Variants in ZNF627 observed in about 807,000 individuals in gnomAD.
ZNF627 encodes zinc finger protein 627.
In ZNF627, 12 loss-of-function variants were observed where a neutral mutation model predicts 10.6. The ratio of observed to expected loss-of-function variants is 1.13; its 90% CI spans 0.73 to 1.84. The LOEUF (loss-of-function observed/expected upper bound fraction) is 1.84, where lower values mean the gene tolerates loss of function less well. Ranked by LOEUF, ZNF627 falls within the 40% of genes most tolerant of loss-of-function variation. The pLI is 0.00. For synonymous variants in ZNF627, 176 were observed against 187.1 expected, an observed-to-expected ratio of 0.94 and a Z score of 0.48; for missense variants, 504 against 568.4, an observed-to-expected ratio of 0.89 and a Z score of 1.15.
chr19:11,605,253 T>C (rs1973655215), intron 1 of ZNF627, among the ~76,000 whole-genome samples: 1 of 151,702 alleles, frequency 6.6e-6, no homozygotes, highest in Non-Finnish European at 1.5e-5. Flanking sequence ...TGACTAATTT[T>C]TTTTTGTATT....
At chr19:11,615,977 C>A (rs571286648) in intron 3 of ZNF627, among the ~76,000 whole-genome samples, 1 of 151,402 alleles carries the variant, frequency 6.6e-6, no homozygotes, top group South Asian at 2.1e-4. Context: ...CCTCAGCCTC[C>A]GAAAGTGCTG....
rs561214230 is a variant in ZNF627 at position 11,618,039 on chromosome 19, A to G, written c.*150A>G. On this transcript the variant is annotated 3_prime_UTR_variant, in exon 4 of 4. Transcript: ENST00000361113. The stretch of plus-strand genomic sequence containing the variant: ...GGCTTTAAATTACGAGAGACTTGTG[A>G]TAGGACAGTAAAACCTAGAGTTGGA... 206 of 617,090 alleles carry G rather than the reference A, an allele frequency of 3.3e-4. No homozygotes were observed. The highest frequency in any genetic ancestry group is 4.9e-4 in the Non-Finnish European group (189 of 382,178). 38.2% of individuals were successfully genotyped at this position (617,090 alleles called of 1,614,324 possible).
In ZNF627 at chr19:11,609,254, C is replaced by T. The variant is rs77468342; in HGVS notation, c.4-5273C>T. On this transcript the variant is annotated intron_variant, in intron 1 of 3. Transcript: ENST00000361113. ...TTTGTGTACAGTTTAGTAGTGTTAACTATACTCACCTTGTTGTGCAACCAA... is the reference window on the plus strand; with the variant it reads ...TTTGTGTACAGTTTAGTAGTGTTAATTATACTCACCTTGTTGTGCAACCAA... Among the ~76,000 whole-genome samples the T allele has an allele frequency of 5.9e-5, 9 of 152,086 alleles. No homozygotes were observed. In the East Asian group the frequency reaches 1.7e-3, roughly 29 times the overall value.
At chr19:11,616,223 T>C (rs1164772338) in intron 3 of ZNF627, among the ~76,000 whole-genome samples, 1 of 151,662 alleles carries the variant, frequency 6.6e-6, no homozygotes, top group Non-Finnish European at 1.5e-5. Context: ...ATTTTTTATT[T>C]TTAGTAGAGA....
chr19:11,607,513 G>A (rs1037670387), intron 1 of ZNF627, among the ~76,000 whole-genome samples: 8 of 152,022 alleles, frequency 5.3e-5, no homozygotes, highest in South Asian at 2.1e-4. Context: ...ATGCTTTGCC[G>A]CTTAGCAGTT....
intron 1 of ZNF627, among the ~76,000 whole-genome samples, chr19:11,613,601 C>A (rs1357021246): frequency 6.6e-6 from 1 of 152,132 alleles, no homozygotes; most frequent in African/African-American, 2.4e-5. Flanking sequence ...AGTGATCCTC[C>A]TGCCTCCATC....
intron 1 of ZNF627, among the ~76,000 whole-genome samples, chr19:11,601,860 G>T (rs546244420): frequency 2.0e-4 from 31 of 151,850 alleles, no homozygotes; most frequent in Admixed American, 7.2e-4. Flanking sequence ...ACAAAAATTA[G>T]CCGGGCATGG....
intron 1 of ZNF627, among the ~76,000 whole-genome samples, chr19:11,600,697 G>T (rs1462495095): frequency 1.3e-5 from 2 of 152,162 alleles, no homozygotes; most frequent in Non-Finnish European, 2.9e-5. Flanking sequence ...CCTCTGCTTT[G>T]CAGGGTGGCA....
chr19:11,615,465 G>A (rs1973850313), intron 3 of ZNF627, among the ~76,000 whole-genome samples: 1 of 148,780 alleles, frequency 6.7e-6, no homozygotes, highest in South Asian at 2.2e-4. Flanking sequence ...TTAGCTGGGT[G>A]TGGTGGTGGG....
At chr19:11,615,716 C>CTT (rs773368615) in intron 3 of ZNF627, among the ~76,000 whole-genome samples, 50,571 of 131,152 alleles carry the variant, frequency 0.39, 10,252 homozygotes, top group Non-Finnish European at 0.46. Flanking sequence ...ATACGAATAT[C>CTT]TTTTTTTTTT....
chr19:11,617,617 T>C lies in ZNF627; in HGVS notation c.1114T>C (p.Phe372Leu). The C allele has an allele frequency of 6.2e-7, 1 of 1,613,842 alleles. No homozygotes were observed. The highest frequency in any genetic ancestry group is 8.5e-7 in the Non-Finnish European group (1 of 1,179,948). ...TGATTGTAAGCAATGTGGGAAAGCC[T>C]TCAGTTGTTCCAGTTCGTTTCGAAA... ...PYDCKQCGKA[F>L]SCSSSFRKHE... The change falls in exon 4 of 4, where the codon TTC (phenylalanine) becomes CTC (leucine). Residue 372 changes from phenylalanine (F) to leucine (L), a missense_variant. Phe to Leu is a conservative substitution (Grantham distance 22). Transcript: ENST00000361113.
Position 11,597,532 on chromosome 19 carries a change from G to A in ZNF627, c.-96G>A. 1 of 1,246,446 alleles carries A rather than the reference G, an allele frequency of 8.0e-7. No individual in the cohort carries two copies. The highest frequency in any genetic ancestry group is 1.0e-6 in the Non-Finnish European group (1 of 975,746). 77.2% of individuals were successfully genotyped at this position (1,246,446 alleles called of 1,614,324 possible). ...GGCTCGCGTCTCCGTTTCTCCGAGA[G>A]GCCCAAGGTGTCTCCGCCGCAGCCT... is the stretch of plus-strand genomic sequence containing the variant. On this transcript the variant is annotated 5_prime_UTR_variant, in exon 1 of 4. Transcript: ENST00000361113.
Position 11,617,675 on chromosome 19 carries a change from A to G in ZNF627, c.1172A>G (p.Tyr391Cys), listed in dbSNP as rs776367489. The G allele has an allele frequency of 3.7e-6, 6 of 1,613,130 alleles. No homozygotes were observed. The South Asian group carries it at 6.6e-5, about 18-fold the overall frequency. The change falls in exon 4 of 4, where the codon TAT becomes TGT. Residue 391 changes from tyrosine (Y) to cysteine (C), a missense_variant. By Grantham distance (194) the Tyr-to-Cys change is radical (BLOSUM62 -2). Transcript: ENST00000361113. The part of the protein sequence containing the change: ...HERIHTGEKP[Y>C]KCTKCGKAFS... ...AGAATTCACACTGGAGAGAAACCCT[A>G]TAAATGTACAAAATGTGGGAAAGCC...
chr19:11,616,898 A>C lies in ZNF627; in HGVS notation c.395A>C (p.Gln132Pro). Reference sequence around the variant, plus strand: ...ACTGGACGTGAACCAAATGAATATCAGGAATATGGAAAGAAGTCATATACA... The same window carrying C: ...ACTGGACGTGAACCAAATGAATATCCGGAATATGGAAAGAAGTCATATACA... ...DHTGREPNEY[Q>P]EYGKKSYTRN... Residue 132 changes from glutamine to proline, a missense_variant, in exon 4 of 4, where the codon CAG (glutamine) becomes CCG (proline). Transcript: ENST00000361113. 1 of 1,614,158 alleles carries C rather than the reference A, an allele frequency of 6.2e-7. No homozygotes were observed. The highest frequency in any genetic ancestry group is 8.5e-7 in the Non-Finnish European group (1 of 1,180,020).
At chr19:11,604,257 G>A (rs1312177143) in intron 1 of ZNF627, 1 of 152,052 alleles carries the variant, frequency 6.6e-6, no homozygotes, top group East Asian at 1.9e-4. Flanking sequence ...AGAACGACTT[G>A]CAAATCCTGT....
At chr19:11,616,009 A>C (rs1401404625) in intron 3 of ZNF627, among the ~76,000 whole-genome samples, 7 of 149,096 alleles carry the variant, frequency 4.7e-5, no homozygotes, top group Non-Finnish European at 1.0e-4. Flanking sequence ...GTGAGCCACC[A>C]CACCTGGCCA....
chr19:11,605,084 T>TC (rs1555753610), intron 1 of ZNF627, among the ~76,000 whole-genome samples: 1 of 134,992 alleles, frequency 7.4e-6, no homozygotes, highest in African/African-American at 3.0e-5. Context: ...TTCTTTCTTT[T>TC]TTTTTTTTTT....
chr19:11,605,954 T>A (rs1973666895), intron 1 of ZNF627, among the ~76,000 whole-genome samples: 1 of 152,184 alleles, frequency 6.6e-6, no homozygotes, highest in African/African-American at 2.4e-5. Context: ...AATATACCCA[T>A]TCCAAATGGG....
intron 1 of ZNF627, among the ~76,000 whole-genome samples, chr19:11,613,506 TTA>T (rs1491284611): frequency 1.6e-5 from 2 of 122,366 alleles, no homozygotes; most frequent in African/African-American, 5.5e-5. Flanking sequence ...CTCTTTTTTT[TTA>T]AAAAACAGCT....
Sources: gnomAD v4.1 joint callset for allele counts (sites outside exome capture counted in the v4.1 genomes callset) on GRCh38, gnomAD v4.1.1 for gene constraint, MANE v1.5 for transcripts, NCBI Gene and HGNC (gene_info 2026-07-23, HGNC 2026-07-21) for gene names.